SLC24A2: variants seen among roughly 807,000 people sequenced by gnomAD.
SLC24A2 encodes solute carrier family 24 member 2.
SLC24A2 carries 36 observed loss-of-function variants against 62.0 expected under a neutral mutation model. That is an observed-to-expected ratio of 0.58 (90% CI 0.44 to 0.77). The LOEUF (loss-of-function observed/expected upper bound fraction) is 0.77. Ranked by LOEUF, SLC24A2 falls within the 30% of genes least tolerant of loss-of-function variation. The probability of loss-of-function intolerance (pLI) is 0.00; values close to 1 mark genes in which losing one functional copy is unlikely to be tolerated. For synonymous variants in SLC24A2, 358 were observed against 294.0 expected (o/e 1.22, Z -2.23); for missense variants, 846 against 817.9 (o/e 1.03, Z -0.42).
chr9:19,973,158 T>A, the SLC24A2 span, among the ~76,000 whole-genome samples: 1 of 152,136 alleles, frequency 6.6e-6, no homozygotes, highest in Admixed American at 6.6e-5. Context: ...GGCAACACAA[T>A]GAGAACCCCA....
intron 2 of SLC24A2, among the ~76,000 whole-genome samples, chr9:19,650,136 G>A (rs1818757193): frequency 6.6e-6 from 1 of 152,160 alleles, no homozygotes; most frequent in Admixed American, 6.5e-5. Context: ...CATATAGAGG[G>A]TCTTGGCACC....
At chr9:20,048,452 C>A in the SLC24A2 span, among the ~76,000 whole-genome samples, 1 of 152,154 alleles carries the variant, frequency 6.6e-6, no homozygotes, top group African/African-American at 2.4e-5. Flanking sequence ...CTACATTGGT[C>A]TAGACTGAAA....
chr9:19,948,945 C>T, the SLC24A2 span, among the ~76,000 whole-genome samples: 26 of 151,640 alleles, frequency 1.7e-4, 1 homozygote, highest in East Asian at 2.7e-3. Flanking sequence ...TACTAACTCT[C>T]TTTGGGGTAT....
chr9:19,884,261 G>A, the SLC24A2 span, among the ~76,000 whole-genome samples: 1 of 123,850 alleles, frequency 8.1e-6, no homozygotes. Context: ...GAAATTCAGT[G>A]TTTATGAGCC....
upstream of SLC24A2, among the ~76,000 whole-genome samples, chr9:19,790,487 T>G (rs1428115004): frequency 7.2e-6 from 1 of 137,960 alleles, no homozygotes; most frequent in African/African-American, 2.6e-5. Flanking sequence ...AGGGGACAAT[T>G]CAAATAGGCT....
the SLC24A2 span, among the ~76,000 whole-genome samples, chr9:20,197,028 A>T: frequency 6.6e-6 from 1 of 152,346 alleles, no homozygotes. Context: ...TAATTTACAC[A>T]GCCCTTCTTC....
the SLC24A2 span, among the ~76,000 whole-genome samples, chr9:20,115,399 G>A: frequency 2.6e-5 from 4 of 152,214 alleles, no homozygotes; most frequent in African/African-American, 7.2e-5. Context: ...ACGTCAAAGA[G>A]AATTCTTTCC....
At chr9:20,046,649 A>G in the SLC24A2 span, among the ~76,000 whole-genome samples, 4 of 152,226 alleles carry the variant, frequency 2.6e-5, no homozygotes, top group African/African-American at 7.2e-5. Flanking sequence ...GTGAACCTCT[A>G]TAGTCTTCAG....
chr9:19,619,985 A>T (rs1817870576), intron 3 of SLC24A2, among the ~76,000 whole-genome samples: 1 of 152,166 alleles, frequency 6.6e-6, no homozygotes, highest in Non-Finnish European at 1.5e-5. Flanking sequence ...GAACCCTATG[A>T]ACTAGATGCT....
At chr9:20,176,234 T>C in the SLC24A2 span, among the ~76,000 whole-genome samples, 24 of 152,166 alleles carry the variant, frequency 1.6e-4, no homozygotes, top group East Asian at 3.9e-3. Context: ...GAGTCTTTTC[T>C]TCTATTTGCC....
rs550685147 is a variant in SLC24A2, at chr9:19,623,095, C to T, written c.931-796G>A. Among the ~76,000 whole-genome samples the T allele has an allele frequency of 1.1e-3, 171 of 152,274 alleles. 1 individual carries two copies. The highest frequency in any genetic ancestry group is 3.9e-3 in the African/African-American group (161 of 41,554). Reference sequence around the variant, plus strand: ...AGACAAGGGGGCAGTGGAATTCTACCGACATGACCCACCTGGACAGCTTTT... The same window carrying T: ...AGACAAGGGGGCAGTGGAATTCTACTGACATGACCCACCTGGACAGCTTTT... On this transcript the variant is annotated intron_variant, in intron 2 of 10. Transcript: ENST00000341998.
chr9:19,938,065 A>C, the SLC24A2 span, among the ~76,000 whole-genome samples: 1 of 152,214 alleles, frequency 6.6e-6, no homozygotes, highest in African/African-American at 2.4e-5. Flanking sequence ...AGTCTTTTCT[A>C]TACTGTATAG....
At chr9:19,684,631 G>A (rs980125065) in intron 2 of SLC24A2, among the ~76,000 whole-genome samples, 1 of 152,070 alleles carries the variant, frequency 6.6e-6, no homozygotes, top group African/African-American at 2.4e-5. Context: ...TAGACTTGTT[G>A]ATATCTGGAA....
chr9:19,923,048 A>T, the SLC24A2 span, among the ~76,000 whole-genome samples: 4 of 151,242 alleles, frequency 2.6e-5, no homozygotes, highest in Non-Finnish European at 5.9e-5. Context: ...TTTAAAAAAA[A>T]TGTTAAAAGA....
chr9:19,997,501 G>A, the SLC24A2 span, among the ~76,000 whole-genome samples: 1 of 152,156 alleles, frequency 6.6e-6, no homozygotes, highest in Non-Finnish European at 1.5e-5. Context: ...GTGAGCCCAA[G>A]AAGATCAGAG....
chr9:20,280,750 C>G, the SLC24A2 span, among the ~76,000 whole-genome samples: 2,408 of 152,218 alleles, frequency 0.016, 76 homozygotes, highest in African/African-American at 0.054. Flanking sequence ...TGAAGGATCT[C>G]AAGATGAGAT....
intron 4 of SLC24A2, among the ~76,000 whole-genome samples, chr9:19,616,886 G>A (rs1817782228): frequency 2.6e-5 from 4 of 152,112 alleles, no homozygotes; most frequent in Admixed American, 6.6e-5. Context: ...GAGTAACGCA[G>A]GGAAAAATGG....
the SLC24A2 span, among the ~76,000 whole-genome samples, chr9:19,814,292 A>G: frequency 6.6e-6 from 1 of 152,184 alleles, no homozygotes; most frequent in Non-Finnish European, 1.5e-5. Flanking sequence ...ATGTTGGGGT[A>G]AGCAACTAGC....
chr9:20,046,493 T>C, the SLC24A2 span, among the ~76,000 whole-genome samples: 1 of 152,246 alleles, frequency 6.6e-6, no homozygotes, highest in East Asian at 1.9e-4. Context: ...TTCATCTTTG[T>C]CTTGAAGCCA....
Sources: allele counts gnomAD v4.1 joint callset (sites outside exome capture counted in the v4.1 genomes callset), GRCh38; gene constraint gnomAD v4.1.1; transcripts MANE v1.5; gene names NCBI Gene and HGNC (gene_info 2026-07-23, HGNC 2026-07-21).